The following PEX5L variants were observed in gnomAD, a reference collection of about 807,000 sequenced individuals.
The protein encoded by PEX5L is PEX5-related protein.
PEX5L carries 30 observed loss-of-function variants against 84.0 expected under a neutral mutation model. That is an observed-to-expected ratio of 0.36 (90% CI 0.27 to 0.48). The LOEUF is 0.48. Ranked by LOEUF, PEX5L falls within the 20% of genes least tolerant of loss-of-function variation. The pLI is 0.99. For missense variants in PEX5L, 533 were observed against 754.6 expected, an observed-to-expected ratio of 0.71 and a Z score of 3.44; for synonymous variants, 270 against 283.1, an observed-to-expected ratio of 0.95 and a Z score of 0.46.
At chr3:179,987,885 A>G (rs1787000099) in intron 1 of PEX5L, among the ~76,000 whole-genome samples, 2 of 152,198 alleles carry the variant, frequency 1.3e-5, no homozygotes, top group Admixed American at 1.3e-4. Flanking sequence ...GAAAGTGGGT[A>G]GAGAAGAACT....
intron 2 of PEX5L, among the ~76,000 whole-genome samples, 192 bp downstream of exon 2, chr3:179,971,402 T>C (rs1325851527): frequency 6.6e-6 from 1 of 152,164 alleles, no homozygotes; most frequent in Non-Finnish European, 1.5e-5. Flanking sequence ...AAAATATGCA[T>C]GTTGGCATCA....
At position 179,819,911 on chromosome 3, in the gene PEX5L, T is replaced by C. The variant is rs1024804352; in HGVS notation, c.888A>G (p.Ile296Met). The C allele has an allele frequency of 1.2e-6, 2 of 1,614,106 alleles. No individual in the cohort carries two copies. Among genetic ancestry groups the C allele is most frequent in the Non-Finnish European group, 1.7e-6 (2 of 1,179,984 alleles). The change falls in exon 9 of 15, where the codon ATA becomes ATG. Residue 296 changes from isoleucine (I) to methionine (M), a missense_variant. This residue lies in a region of PEX5L where 58 missense variants were observed against 56.4 expected (regional missense o/e 1.03). Coordinates refer to ENST00000467460, the MANE Select transcript of PEX5L (RefSeq NM_016559.3). ...GGTTCTGGGCTTCTTGGTTCTCAGA[T>C]ATCCAGTTCCTCCGAGCCATTTCTT... Reference protein sequence around the residue: ...EWEEMARRNWISENQEAQNQV... With the variant: ...EWEEMARRNWMSENQEAQNQV...
At chr3:179,932,836 C>T (rs1426663816) in intron 2 of PEX5L, among the ~76,000 whole-genome samples, 1 of 152,130 alleles carries the variant, frequency 6.6e-6, no homozygotes, top group Admixed American at 6.5e-5. Flanking sequence ...TTAACATATG[C>T]ATTACCTCAT....
Position 179,815,976 on chromosome 3 carries a change from A to G in PEX5L, c.968T>C (p.Phe323Ser). Residue 323 changes from phenylalanine to serine, a missense_variant, in exon 10 of 15, where the codon TTC (phenylalanine) becomes TCC (serine). Physicochemically the swap from Phe to Ser is radical, Grantham distance 155. Around this residue, in one of 8 missense-constraint regions of PEX5L, gnomAD observed 58 missense variants for 56.4 expected, o/e 1.03. Coordinates refer to ENST00000467460, the MANE Select transcript of PEX5L (RefSeq NM_016559.3). The stretch of plus-strand genomic sequence containing the variant: ...TTCAAATGCTCCAGGCCAGTCCTTG[A>G]AGGGGTTTTCAGTGTGAAAGTAATA... ...KGYYFHTENP[F>S]KDWPGAFEEG... 6.2e-7 allele frequency: 1 copy of G among 1,614,170 alleles called. No homozygotes were observed. Among genetic ancestry groups the G allele is most frequent in the Non-Finnish European group, 8.5e-7 (1 of 1,180,010 alleles).
intron 2 of PEX5L, among the ~76,000 whole-genome samples, chr3:179,943,643 C>T (rs1040015056): frequency 1.1e-4 from 16 of 152,180 alleles, no homozygotes; most frequent in African/African-American, 3.6e-4. Context: ...TATTCCACCA[C>T]GTGGAGAATC....
chr3:179,807,400 G>A (rs1247516646), intron 14 of PEX5L, among the ~76,000 whole-genome samples: 1 of 152,160 alleles, frequency 6.6e-6, no homozygotes, highest in Admixed American at 6.5e-5. Context: ...CCTAATCCAG[G>A]CCAACTGAAT....
chr3:179,997,042 A>G (rs1291485400), intron 1 of PEX5L, among the ~76,000 whole-genome samples: 1 of 152,210 alleles, frequency 6.6e-6, no homozygotes, highest in Non-Finnish European at 1.5e-5. Context: ...TTCAGACTTG[A>G]GCCAGTTTAC....
At chr3:180,025,505 A>G (rs1164352643) in intron 1 of PEX5L, among the ~76,000 whole-genome samples, 1 of 152,252 alleles carries the variant, frequency 6.6e-6, no homozygotes, top group East Asian at 1.9e-4. Context: ...TTGTATTATC[A>G]ATGCATGTAA....
Position 179,982,975 on chromosome 3 carries a change from T to C in PEX5L, c.22-11310A>G, listed in dbSNP as rs1310474278. On this transcript the variant is annotated intron_variant, in intron 1 of 14. Coordinates refer to ENST00000467460, the MANE Select transcript of PEX5L (RefSeq NM_016559.3). ...ATGTATACAAGTGTACCTATTACAT[T>C]GTAGGTATTTAGTAAGTTTTTTTGA... 2.0e-5 allele frequency among the ~76,000 whole-genome samples: 3 copies of C among 152,182 alleles called. No individual in the cohort carries two copies. In the East Asian group the frequency reaches 5.8e-4, roughly 29 times the overall value.
chr3:179,911,165 T>G lies in PEX5L; in HGVS notation c.94-12919A>C, dbSNP rs144205928. 6.5e-4 allele frequency among the ~76,000 whole-genome samples: 99 copies of G among 152,314 alleles called. 2 individuals are homozygous for G. The highest frequency in any genetic ancestry group is 2.3e-3 in the African/African-American group (95 of 41,568). The stretch of plus-strand genomic sequence containing the variant: ...CATATTTCTGTTCTTAGAGGTTTGC[T>G]TTAACTGACAAAACAGAAGGGGAAG... On this transcript the variant is annotated intron_variant, in intron 2 of 14. Transcript: ENST00000467460.
intron 9 of PEX5L, among the ~76,000 whole-genome samples, chr3:179,817,589 G>A (rs1726648727): frequency 6.6e-6 from 1 of 152,170 alleles, no homozygotes; most frequent in South Asian, 2.1e-4. Flanking sequence ...AATTGTTTTT[G>A]AGAAAAATTT....
chr3:179,974,031 C>T (rs370382040), intron 1 of PEX5L: 4 of 985,288 alleles, frequency 4.1e-6, no homozygotes, highest in Middle Eastern at 5.2e-4. Flanking sequence ...ATTTCTAGTG[C>T]GAGCATAATC....
intron 8 of PEX5L, among the ~76,000 whole-genome samples, chr3:179,825,788 G>A (rs542000642): frequency 1.3e-5 from 2 of 152,332 alleles, no homozygotes; most frequent in South Asian, 4.1e-4. Context: ...TCTCTTAAGA[G>A]TAAGCGTTAA....
chr3:179,966,581 TG>T (rs973703323), intron 2 of PEX5L, among the ~76,000 whole-genome samples: 2 of 152,152 alleles, frequency 1.3e-5, no homozygotes, highest in African/African-American at 4.8e-5. Context: ...CCAGATAAGC[TG>T]GGTATCTTCT....
intron 2 of PEX5L, among the ~76,000 whole-genome samples, chr3:179,917,390 T>C (rs1010883431): frequency 3.3e-5 from 5 of 152,282 alleles, no homozygotes; most frequent in African/African-American, 1.2e-4. Context: ...TGATAAAATG[T>C]ATAGTTAAGT....
chr3:179,853,575 C>T (rs1199805639), intron 8 of PEX5L, among the ~76,000 whole-genome samples: 1 of 152,152 alleles, frequency 6.6e-6, no homozygotes, highest in Non-Finnish European at 1.5e-5. Context: ...TTCCTAGGGA[C>T]CTAGTGGACA....
intron 2 of PEX5L, among the ~76,000 whole-genome samples, chr3:179,949,100 C>G (rs1213997278): frequency 2.0e-5 from 3 of 152,046 alleles, no homozygotes; most frequent in Non-Finnish European, 2.9e-5. Flanking sequence ...TATTTCCAGT[C>G]TGATTAACTG....
rs1717684521 is a variant in PEX5L at position 179,797,912 on chromosome 3, G to A, written c.*3916C>T. ...GCTACAACAACTAGCTTAAAGTACA[G>A]TCCAATCTTGGGGAACTGATTCAGG... is the stretch of plus-strand genomic sequence containing the variant. On this transcript the variant is annotated 3_prime_UTR_variant, in exon 15 of 15. Transcript: ENST00000467460. 6.6e-6 allele frequency: 1 copy of A among 152,120 alleles called. No individual in the cohort carries two copies. Among genetic ancestry groups the A allele is most frequent in the Non-Finnish European group, 1.5e-5 (1 of 68,014 alleles). The allele number at this position is 152,120 out of a possible 1,614,324, so 9.4% of individuals were successfully genotyped here.
chr3:179,967,983 C>T (rs141628779), intron 2 of PEX5L, among the ~76,000 whole-genome samples: 12 of 152,226 alleles, frequency 7.9e-5, no homozygotes, highest in Non-Finnish European at 1.5e-4. Context: ...TACTTGTTCC[C>T]CTTGTAACTG....
Sources: gnomAD v4.1 joint callset for allele counts (sites outside exome capture counted in the v4.1 genomes callset) on GRCh38, gnomAD v4.1.1 for gene constraint, gnomAD v4.1.1 regional missense constraint, MANE v1.5 for transcripts, NCBI Gene and HGNC (gene_info 2026-07-23, HGNC 2026-07-21) for gene names.